ANKRD26: variants seen among roughly 807,000 people sequenced by gnomAD.
ANKRD26 encodes ankyrin repeat domain-containing protein 26.
In ANKRD26, 141 loss-of-function variants were observed where a neutral mutation model predicts 208.7. That is an observed-to-expected ratio of 0.68 (90% confidence interval 0.59 to 0.78). ANKRD26 has a LOEUF of 0.78. ANKRD26 is among the 30% of genes least tolerant of loss of function. The pLI, the probability that ANKRD26 is intolerant of heterozygous loss-of-function variation, is 0.00. For missense variants in ANKRD26, 1,889 were observed against 1,938.7 expected, an observed-to-expected ratio of 0.97 and a Z score of 0.48; for synonymous variants, 636 against 660.4, an observed-to-expected ratio of 0.96 and a Z score of 0.57.
chr10:27,033,199 T>C (rs770802798), intron 25 of ANKRD26, 26 bp downstream of exon 25: 73 of 1,579,654 alleles, frequency 4.6e-5, no homozygotes, highest in Admixed American at 6.8e-5. Context: ...AGATTAACTG[T>C]TTGACATGTT....
intron 27 of ANKRD26, 141 bp downstream of exon 27, chr10:27,028,711 T>C: frequency 1.4e-6 from 1 of 700,358 alleles, no homozygotes; most frequent in Non-Finnish European, 2.5e-6. Flanking sequence ...ATTATGTATG[T>C]ACAAATATTC....
downstream of ANKRD26, among the ~76,000 whole-genome samples, chr10:26,971,294 A>C (rs1482035226): frequency 6.6e-6 from 1 of 152,152 alleles, no homozygotes; most frequent in Non-Finnish European, 1.5e-5. Context: ...AAGGCAGGAG[A>C]ATCACTTGAA....
chr10:26,998,094 C>T (rs547562368), intron 4 of ANKRD26, among the ~76,000 whole-genome samples: 1 of 152,170 alleles, frequency 6.6e-6, no homozygotes, highest in Non-Finnish European at 1.5e-5. Flanking sequence ...AACTGGTCAG[C>T]TAAGGTAACT....
At chr10:26,972,668 G>T (rs1440970965), downstream of ANKRD26, among the ~76,000 whole-genome samples, 1 of 145,612 alleles carries the variant, frequency 6.9e-6, no homozygotes, top group East Asian at 2.0e-4. Flanking sequence ...TTGGCTCACT[G>T]CAAGTTCCGC....
intron 29 of ANKRD26, among the ~76,000 whole-genome samples, chr10:27,020,885 C>G (rs1406285564): frequency 6.6e-6 from 1 of 152,094 alleles, no homozygotes; most frequent in Non-Finnish European, 1.5e-5. Flanking sequence ...GGTCTCGGAA[C>G]TCCTGACTTC....
At chr10:27,057,569 G>C (rs1189671492) in intron 15 of ANKRD26, among the ~76,000 whole-genome samples, 2 of 152,158 alleles carry the variant, frequency 1.3e-5, no homozygotes, top group African/African-American at 4.8e-5. Flanking sequence ...ACAATGAAAT[G>C]CTCTTTCCTC....
At chr10:27,029,568 C>T (rs984026796) in intron 25 of ANKRD26, among the ~76,000 whole-genome samples, 1 of 152,048 alleles carries the variant, frequency 6.6e-6, no homozygotes, top group South Asian at 2.1e-4. Flanking sequence ...ACTATCTGGC[C>T]CTTTACAGAA....
rs1385272423 is a variant in ANKRD26, at chr10:27,004,554, C to T, written c.*1036G>A. 1 of 152,086 alleles carries T rather than the reference C, an allele frequency of 6.6e-6. No homozygotes were observed. The highest frequency in any genetic ancestry group is 1.5e-5 in the Non-Finnish European group (1 of 68,008). 9.4% of individuals were successfully genotyped at this position (152,086 alleles called of 1,614,324 possible). ...CTGTTAGTGATCAATGCTAACATTA[C>T]CAGTAACAGGGCAAATCAAAACTGT... On this transcript the variant is annotated 3_prime_UTR_variant, in exon 34 of 34. Transcript: ENST00000376087.
At chr10:26,966,722 T>G in the ANKRD26 span, among the ~76,000 whole-genome samples, 1 of 152,228 alleles carries the variant, frequency 6.6e-6, no homozygotes, top group South Asian at 2.1e-4. Context: ...CAACAAAAGA[T>G]GATGAGCATG....
rs113800667 is a variant in ANKRD26 at position 27,094,245 on chromosome 10, T to C, written c.243-446A>G. Among the ~76,000 whole-genome samples, 385 of 152,300 alleles carry C rather than the reference T, an allele frequency of 2.5e-3. 2 individuals carry two copies. Among genetic ancestry groups the C allele is most frequent in the African/African-American group, 8.9e-3 (369 of 41,570 alleles). On this transcript the variant is annotated intron_variant, in intron 1 of 33. Coordinates refer to ENST00000376087, the MANE Select transcript of ANKRD26 (RefSeq NM_014915.3). Reference sequence around the variant, plus strand: ...TTTCCTTTATAAATTACCCATATAATAAAGGGTATGTCTTTATTAGCAGCA... The same window carrying C: ...TTTCCTTTATAAATTACCCATATAACAAAGGGTATGTCTTTATTAGCAGCA...
intron 6 of ANKRD26, 35 bp from the exon 7 acceptor site, chr10:27,079,196 C>A: frequency 6.4e-7 from 1 of 1,569,138 alleles, no homozygotes; most frequent in South Asian, 1.1e-5. Flanking sequence ...TGAGTGAATT[C>A]ATTTCTTTAA....
intron 5 of ANKRD26, among the ~76,000 whole-genome samples, chr10:26,994,004 G>C (rs1159997749): frequency 6.6e-6 from 1 of 152,216 alleles, no homozygotes; most frequent in East Asian, 1.9e-4. Flanking sequence ...ATCAGACAAG[G>C]CTGGTGCCTG....
At chr10:26,957,379 C>T in the ANKRD26 span, among the ~76,000 whole-genome samples, 1 of 152,034 alleles carries the variant, frequency 6.6e-6, no homozygotes, top group Non-Finnish European at 1.5e-5. Context: ...CAGAGTGAGA[C>T]CCTGTCTCAA....
chr10:26,963,878 G>C, the ANKRD26 span, among the ~76,000 whole-genome samples: 1 of 68,616 alleles, frequency 1.5e-5, no homozygotes, highest in African/African-American at 5.9e-5. Context: ...ATTGGTTTTT[G>C]TTTGTTTGTT....
chr10:27,070,101 TAAAAAA>T (rs34493349), intron 9 of ANKRD26, among the ~76,000 whole-genome samples: 1 of 109,120 alleles, frequency 9.2e-6, no homozygotes, highest in African/African-American at 3.6e-5. Context: ...ACTCTGTATT[TAAAAAA>T]AAAAAAAAAA....
At chr10:27,084,450 C>T (rs2056042055) in intron 5 of ANKRD26, among the ~76,000 whole-genome samples, 1 of 152,140 alleles carries the variant, frequency 6.6e-6, no homozygotes, top group Non-Finnish European at 1.5e-5. Context: ...TTGCAACTTG[C>T]AAAACCTAAC....
At chr10:27,060,608 A>G (rs2055020465) in intron 13 of ANKRD26, 68 bp from the exon 14 acceptor site, 2 of 1,154,830 alleles carry the variant, frequency 1.7e-6, no homozygotes, top group East Asian at 2.5e-5. Flanking sequence ...AAATTCATGC[A>G]GTGTTAGTAT....
intron 15 of ANKRD26, among the ~76,000 whole-genome samples, chr10:27,055,497 A>G (rs915704319): frequency 1.3e-5 from 2 of 152,200 alleles, no homozygotes; most frequent in African/African-American, 4.8e-5. Flanking sequence ...AAAAAATTAT[A>G]TGATTTATTA....
chr10:27,013,684 C>A (rs904025886), intron 31 of ANKRD26, among the ~76,000 whole-genome samples: 3 of 152,272 alleles, frequency 2.0e-5, no homozygotes, highest in South Asian at 4.1e-4. Context: ...GCTTTCACCA[C>A]CCTTTTACAT....
Sources: gnomAD v4.1 joint callset for allele counts (sites outside exome capture counted in the v4.1 genomes callset) on GRCh38, gnomAD v4.1.1 for gene constraint, MANE v1.5 for transcripts, NCBI Gene and HGNC (gene_info 2026-07-23, HGNC 2026-07-21) for gene names.